The following PLA2G7 variants were observed in gnomAD, a reference collection of about 807,000 sequenced individuals.
PLA2G7 encodes platelet-activating factor acetylhydrolase.
PLA2G7 carries 63 observed loss-of-function variants against 49.6 expected under a neutral mutation model. That is an observed-to-expected ratio of 1.27 (90% confidence interval 1.04 to 1.57). The LOEUF (loss-of-function observed/expected upper bound fraction) is 1.57, where lower values mean the gene tolerates loss of function less well. Ranked by LOEUF, PLA2G7 falls within the 40% of genes most tolerant of loss-of-function variation. The probability of loss-of-function intolerance (pLI) is 0.00; values close to 1 mark genes in which losing one functional copy is unlikely to be tolerated. For synonymous variants in PLA2G7, 193 were observed against 169.9 expected (o/e 1.14, Z -1.06); for missense variants, 596 against 521.2 (o/e 1.14, Z -1.40).
intron 7 of PLA2G7, among the ~76,000 whole-genome samples, chr6:46,711,147 G>T (rs545712644): frequency 3.1e-4 from 47 of 152,238 alleles, no homozygotes; most frequent in African/African-American, 1.1e-3. Context: ...TAATTCTATT[G>T]TATACTGCCT....
chr6:46,722,639 C>T, intron 2 of PLA2G7, 144 bp downstream of exon 2: 2 of 664,048 alleles, frequency 3.0e-6, no homozygotes, highest in Non-Finnish European at 2.8e-6. Context: ...GTGAGAACCT[C>T]TCCCCTACTC....
At chr6:46,732,055 C>A (rs1219252605) in intron 1 of PLA2G7, among the ~76,000 whole-genome samples, 1 of 152,196 alleles carries the variant, frequency 6.6e-6, no homozygotes. Flanking sequence ...CTTTTGGCTT[C>A]TCTCATTGTA....
chr6:46,704,765 G>T, intron 11 of PLA2G7, 69 bp from the exon 12 acceptor site: 1 of 954,658 alleles, frequency 1.0e-6, no homozygotes, highest in South Asian at 1.3e-5. Flanking sequence ...GTGCCCCTAG[G>T]TGGCAATAAA....
intron 8 of PLA2G7, 45 bp downstream of exon 8, chr6:46,710,500 A>G: frequency 8.1e-7 from 1 of 1,238,998 alleles, no homozygotes; most frequent in Non-Finnish European, 1.2e-6. Flanking sequence ...ACAAAAAACA[A>G]TAAAGAACTG....
Position 46,722,636 on chromosome 6 carries a change from C to A in PLA2G7, c.109+147G>T, listed in dbSNP as rs1016883567. On this transcript the variant is annotated intron_variant, in intron 2 of 11. Transcript: ENST00000274793. Reference sequence around the variant, plus strand: ...AGTTGAAATGAGGAAAAAGTGAGAACCTCTCCCCTACTCCAGGAGAATACA... The same window carrying A: ...AGTTGAAATGAGGAAAAAGTGAGAAACTCTCCCCTACTCCAGGAGAATACA... 7.6e-6 allele frequency: 5 copies of A among 658,120 alleles called. No homozygotes were observed. The African/African-American group carries it at 9.0e-5, about 12-fold the overall frequency. The allele number at this position is 658,120 out of a possible 1,614,324, so 40.8% of individuals were successfully genotyped here.
At chr6:46,714,972 T>C (rs1395512158) in intron 4 of PLA2G7, among the ~76,000 whole-genome samples, 1 of 151,964 alleles carries the variant, frequency 6.6e-6, no homozygotes, top group Non-Finnish European at 1.5e-5. Context: ...CGACCTCAGG[T>C]GATCCACCTG....
chr6:46,719,340 C>A (rs1449278566), intron 2 of PLA2G7, among the ~76,000 whole-genome samples: 1 of 152,214 alleles, frequency 6.6e-6, no homozygotes, highest in Non-Finnish European at 1.5e-5. Flanking sequence ...CCTTTCAATA[C>A]ATAAGGCTCA....
intron 1 of PLA2G7, among the ~76,000 whole-genome samples, chr6:46,730,097 A>C (rs1378378113): frequency 1.3e-5 from 2 of 152,226 alleles, no homozygotes; most frequent in Non-Finnish European, 2.9e-5. Flanking sequence ...GTGGGGATTT[A>C]AGGATTTTAA....
intron 6 of PLA2G7, 52 bp from the exon 7 acceptor site, chr6:46,711,671 T>G: frequency 2.5e-6 from 4 of 1,595,080 alleles, no homozygotes; most frequent in Non-Finnish European, 3.4e-6. Flanking sequence ...CTTCCTCATC[T>G]GACCCATGTT....
chr6:46,708,297 G>T (rs909718108), intron 9 of PLA2G7, 136 bp from the exon 10 acceptor site: 20 of 732,168 alleles, frequency 2.7e-5, no homozygotes, highest in Non-Finnish European at 4.5e-5. Flanking sequence ...GAATAAAGAG[G>T]TATCATACTT....
At position 46,709,358 on chromosome 6, in the gene PLA2G7, T is replaced by G; in HGVS notation, c.838A>C (p.Ile280Leu). 1 of 1,607,158 alleles carries G rather than the reference T, an allele frequency of 6.2e-7. No homozygotes were observed. The highest frequency in any genetic ancestry group is 2.2e-5 in the East Asian group (1 of 44,670). Residue 280 changes from isoleucine to leucine, a missense_variant, in exon 9 of 12, where the codon ATT becomes CTT. Transcript: ENST00000274793. ...CTCTGATCTTCACTAAGAGTCTGAA[T>G]AACCGTTGCTCCACCAAAAGAATGT... ...IGHSFGGATVIQTLSEDQRFR... is the reference protein window; with the variant it reads ...IGHSFGGATVLQTLSEDQRFR...
intron 1 of PLA2G7, among the ~76,000 whole-genome samples, chr6:46,729,857 C>A (rs894946697): frequency 6.6e-6 from 1 of 152,260 alleles, no homozygotes; most frequent in African/African-American, 2.4e-5. Flanking sequence ...AAATCATCCT[C>A]AGCTGAAAAC....
chr6:46,719,786 G>A (rs1003951035), intron 2 of PLA2G7, among the ~76,000 whole-genome samples: 3 of 152,172 alleles, frequency 2.0e-5, no homozygotes, highest in African/African-American at 7.2e-5. Flanking sequence ...TGACACATAA[G>A]GGGTAGACAA....
At chr6:46,711,752 C>CCACT in intron 6 of PLA2G7, 133 bp from the exon 7 acceptor site, 2 of 925,562 alleles carry the variant, frequency 2.2e-6, no homozygotes, top group Admixed American at 3.8e-5. Flanking sequence ...TCTATATTTT[C>CCACT]TCTTAAATTA....
At chr6:46,728,425 G>A (rs1359382139) in intron 1 of PLA2G7, among the ~76,000 whole-genome samples, 1 of 152,204 alleles carries the variant, frequency 6.6e-6, no homozygotes. Context: ...TAATGCTGAG[G>A]TTGAGAAACC....
At position 46,728,823 on chromosome 6, in the gene PLA2G7, GTA is replaced by G. The variant is rs1454859351; in HGVS notation, c.-34-5900_-34-5899del. On this transcript the variant is annotated intron_variant, in intron 1 of 11. Coordinates refer to ENST00000274793, the MANE Select transcript of PLA2G7 (RefSeq NM_005084.4). ...CATGATGGTTAGGTTAAGGTCATGG[GTA>G]TACTTCTTGAGAAAACTTACCTGTA... is the stretch of plus-strand genomic sequence containing the variant. Among the ~76,000 whole-genome samples the G allele has an allele frequency of 3.3e-5, 5 of 152,274 alleles. No individual in the cohort carries two copies. In the East Asian group the frequency reaches 7.7e-4, roughly 24 times the overall value.
chr6:46,704,805 A>G (rs1179435681), intron 11 of PLA2G7, 109 bp from the exon 12 acceptor site: 1 of 728,870 alleles, frequency 1.4e-6, no homozygotes, highest in Non-Finnish European at 2.4e-6. Context: ...TTCCGTTAGG[A>G]TGGTAGAGAC....
intron 1 of PLA2G7, among the ~76,000 whole-genome samples, chr6:46,724,123 C>A (rs887503157): frequency 1.3e-5 from 2 of 152,158 alleles, no homozygotes; most frequent in Non-Finnish European, 2.9e-5. Context: ...GACACTTTCC[C>A]GGTTCAATCT....
At chr6:46,712,101 A>C (rs1412488074) in intron 6 of PLA2G7, among the ~76,000 whole-genome samples, 168 bp downstream of exon 6, 1 of 152,218 alleles carries the variant, frequency 6.6e-6, no homozygotes, top group South Asian at 2.1e-4. Flanking sequence ...AGGTGCTTTT[A>C]AGTCTTTTAA....
Sources: allele counts gnomAD v4.1 joint callset (sites outside exome capture counted in the v4.1 genomes callset), GRCh38; gene constraint gnomAD v4.1.1; transcripts MANE v1.5; gene names NCBI Gene and HGNC (gene_info 2026-07-23, HGNC 2026-07-21).